Variants in DOCK3 observed in about 807,000 individuals in gnomAD.
DOCK3 encodes dedicator of cytokinesis protein 3.
Under a neutral mutation model 265.6 loss-of-function variants are expected in DOCK3, and 60 were observed. The ratio of observed to expected loss-of-function variants is 0.23; its 90% CI spans 0.18 to 0.28. DOCK3 has a LOEUF of 0.28. Ranked by LOEUF, DOCK3 falls within the 10% of genes least tolerant of loss-of-function variation. DOCK3 has a pLI of 1.00. For missense variants in DOCK3, 1,981 were observed against 2,594.3 expected (o/e 0.76, Z 5.14); for synonymous variants, 881 against 938.0 (o/e 0.94, Z 1.11).
At chr3:50,866,231 A>G (rs2047135897) in intron 3 of DOCK3, among the ~76,000 whole-genome samples, 1 of 152,158 alleles carries the variant, frequency 6.6e-6, no homozygotes, top group Non-Finnish European at 1.5e-5. Flanking sequence ...TCACACCTGT[A>G]ATCCCAGCAC....
At chr3:50,697,415 C>A (rs1031317504) in intron 1 of DOCK3, among the ~76,000 whole-genome samples, 3 of 151,926 alleles carry the variant, frequency 2.0e-5, no homozygotes, top group Non-Finnish European at 2.9e-5. Flanking sequence ...AATGGTGAAA[C>A]CCCGTCTTTA....
At chr3:51,014,029 T>C (rs1411880359) in intron 5 of DOCK3, among the ~76,000 whole-genome samples, 2 of 152,124 alleles carry the variant, frequency 1.3e-5, no homozygotes, top group African/African-American at 4.8e-5. Flanking sequence ...ACAAGTGCAG[T>C]GTTTAGGTGG....
intron 12 of DOCK3, among the ~76,000 whole-genome samples, chr3:51,180,673 T>C (rs2087238835): frequency 6.6e-6 from 1 of 152,206 alleles, no homozygotes; most frequent in African/African-American, 2.4e-5. Flanking sequence ...TTTAATTACA[T>C]CTGCAAAGAC....
At position 51,291,691 on chromosome 3, in the gene DOCK3, C is replaced by A. The variant is rs191778578; in HGVS notation, c.2922+11487C>A. Among the ~76,000 whole-genome samples, 3 of 152,240 alleles carry A rather than the reference C, an allele frequency of 2.0e-5. No individual in the cohort carries two copies. The East Asian group carries it at 5.8e-4, about 29-fold the overall frequency. On this transcript the variant is annotated intron_variant, in intron 27 of 52. Coordinates refer to ENST00000266037, the MANE Select transcript of DOCK3 (RefSeq NM_004947.5). Reference sequence around the variant, plus strand: ...CATTTACAGACAAACTAATAATAATCCTTCCCAAACTTTTCTTAAAAATTG... The same window carrying A: ...CATTTACAGACAAACTAATAATAATACTTCCCAAACTTTTCTTAAAAATTG...
intron 4 of DOCK3, among the ~76,000 whole-genome samples, chr3:50,929,003 T>G (rs2050915845): frequency 6.6e-6 from 1 of 152,230 alleles, no homozygotes; most frequent in Non-Finnish European, 1.5e-5. Flanking sequence ...TGAGCACATT[T>G]AAGGGAGGAT....
chr3:51,329,535 T>C (rs1422143410), intron 32 of DOCK3, among the ~76,000 whole-genome samples: 1 of 152,146 alleles, frequency 6.6e-6, no homozygotes, highest in Non-Finnish European at 1.5e-5. Context: ...AGGTATCCAA[T>C]AACAAATGCA....
chr3:51,043,485 A>C (rs1175433738), intron 5 of DOCK3, among the ~76,000 whole-genome samples: 1 of 152,200 alleles, frequency 6.6e-6, no homozygotes, highest in Non-Finnish European at 1.5e-5. Context: ...CAAAAACCCT[A>C]GGAGACAACC....
At chr3:51,282,227 C>T (rs1253649336) in intron 27 of DOCK3, among the ~76,000 whole-genome samples, 1 of 152,144 alleles carries the variant, frequency 6.6e-6, no homozygotes, top group African/African-American at 2.4e-5. Context: ...GAGGAATAGG[C>T]TATGGCCTAA....
At chr3:51,208,923 A>C in intron 13 of DOCK3, 61 bp downstream of exon 13, 2 of 1,490,552 alleles carry the variant, frequency 1.3e-6, no homozygotes, top group Non-Finnish European at 1.8e-6. Flanking sequence ...CTCATACAGC[A>C]CTTAGATTGG....
intron 3 of DOCK3, among the ~76,000 whole-genome samples, chr3:50,850,714 C>G (rs2046318282): frequency 6.6e-6 from 1 of 152,150 alleles, no homozygotes; most frequent in African/African-American, 2.4e-5. Context: ...TCCTTCTCCT[C>G]AGGATGTGCA....
At chr3:50,743,366 A>G (rs1409941309) in intron 1 of DOCK3, among the ~76,000 whole-genome samples, 2 of 151,944 alleles carry the variant, frequency 1.3e-5, no homozygotes, top group Non-Finnish European at 2.9e-5. Context: ...ATGTAAATGG[A>G]CTAAAAGCTC....
chr3:51,091,876 G>T (rs544301060), intron 9 of DOCK3, among the ~76,000 whole-genome samples: 1 of 152,044 alleles, frequency 6.6e-6, no homozygotes, highest in Non-Finnish European at 1.5e-5. Flanking sequence ...GCAGGGTGGC[G>T]CATTGCCTCA....
chr3:51,244,641 T>C (rs920785094), intron 21 of DOCK3, among the ~76,000 whole-genome samples: 3 of 152,232 alleles, frequency 2.0e-5, no homozygotes, highest in Non-Finnish European at 4.4e-5. Context: ...AGCATTTTAT[T>C]CTTCCTTTTC....
chr3:51,323,188 G>A (rs998051540), intron 32 of DOCK3, among the ~76,000 whole-genome samples: 1 of 152,068 alleles, frequency 6.6e-6, no homozygotes, highest in Non-Finnish European at 1.5e-5. Context: ...CAATACAGGA[G>A]CACCCAGAAT....
Position 51,266,537 on chromosome 3 carries a change from C to A in DOCK3, c.2356-4278C>A, listed in dbSNP as rs746869643. Among the ~76,000 whole-genome samples, 10 of 152,284 alleles carry A rather than the reference C, an allele frequency of 6.6e-5. No homozygotes were observed. The South Asian group carries it at 1.9e-3, about 28-fold the overall frequency. ...AGAAATAACACCACACATCTACAAT[C>A]ATCTGATCTTTGACAAACCTGACAA... On this transcript the variant is annotated intron_variant, in intron 23 of 52. Coordinates refer to ENST00000266037, the MANE Select transcript of DOCK3 (RefSeq NM_004947.5).
chr3:51,318,465 C>G (rs996169210), intron 32 of DOCK3, among the ~76,000 whole-genome samples: 4 of 152,028 alleles, frequency 2.6e-5, no homozygotes, highest in African/African-American at 9.7e-5. Flanking sequence ...TTTAGGTGTT[C>G]TTTTATTTCT....
chr3:50,894,249 C>T (rs926261558), intron 4 of DOCK3, among the ~76,000 whole-genome samples: 2 of 151,990 alleles, frequency 1.3e-5, no homozygotes, highest in African/African-American at 4.8e-5. Context: ...AAGAGAGCCT[C>T]CATAAATCTG....
chr3:50,744,158 T>G (rs1279384147), intron 1 of DOCK3, among the ~76,000 whole-genome samples: 1 of 152,202 alleles, frequency 6.6e-6, no homozygotes, highest in Non-Finnish European at 1.5e-5. Context: ...TAGGCCTTCT[T>G]TATATATTCT....
intron 27 of DOCK3, among the ~76,000 whole-genome samples, chr3:51,308,952 C>T (rs1431373011): frequency 4.0e-5 from 6 of 151,114 alleles, no homozygotes; most frequent in Admixed American, 2.0e-4. Flanking sequence ...GACGGGGTCG[C>T]GGCCGGGCAG....
Sources: allele counts gnomAD v4.1 joint callset (sites outside exome capture counted in the v4.1 genomes callset), GRCh38; gene constraint gnomAD v4.1.1; transcripts MANE v1.5; gene names NCBI Gene and HGNC (gene_info 2026-07-23, HGNC 2026-07-21).